The following LAMA1 variants were observed in gnomAD, a reference collection of about 807,000 sequenced individuals.
LAMA1 encodes the protein laminin subunit alpha-1.
Under a neutral mutation model 348.7 loss-of-function variants are expected in LAMA1, and 219 were observed. The observed-to-expected ratio is 0.63, with a 90% CI of 0.56 to 0.70. LAMA1 has a LOEUF of 0.70. Ranked by LOEUF, LAMA1 falls within the 30% of genes least tolerant of loss-of-function variation. LAMA1 has a pLI of 0.00. For missense variants in LAMA1, 3,744 were observed against 3,888.0 expected (o/e 0.96, Z 0.99); for synonymous variants, 1,487 against 1,491.0 (o/e 1.00, Z 0.06).
chr18:6,944,556 G>A (rs1379861788), intron 61 of LAMA1, among the ~76,000 whole-genome samples: 3 of 152,190 alleles, frequency 2.0e-5, no homozygotes, highest in African/African-American at 7.2e-5. Flanking sequence ...TGAGTGACTA[G>A]GGTGGCCCTC....
chr18:7,032,976 A>C lies in LAMA1; in HGVS notation c.2163+8T>G. The C allele has an allele frequency of 6.3e-7, 1 of 1,591,060 alleles. No homozygotes were observed. The highest frequency in any genetic ancestry group is 1.1e-5 in the South Asian group (1 of 88,350). The stretch of plus-strand genomic sequence containing the variant: ...GAAAGGAAAAAGACAGGAAGAGAGA[A>C]GCGTCACCTCACAGGAGGTCCCTGT... On this transcript the variant is annotated splice_region_variant and intron_variant, in intron 15 of 62. Coordinates refer to ENST00000389658, the MANE Select transcript of LAMA1 (RefSeq NM_005559.4).
intron 49 of LAMA1, chr18:6,965,882 G>T (rs1488319197): frequency 4.2e-5 from 20 of 472,758 alleles, no homozygotes; most frequent in Non-Finnish European, 6.0e-5. Context: ...AACAAATGTT[G>T]AATTGATATC....
intron 60 of LAMA1, 36 bp from the exon 61 acceptor site, chr18:6,947,332 C>CG: frequency 6.2e-7 from 1 of 1,612,262 alleles, no homozygotes; most frequent in Non-Finnish European, 8.5e-7. Context: ...TCAGGGTGAG[C>CG]GCTGCCAGGC....
chr18:7,001,302 T>C (rs533060533), intron 30 of LAMA1, among the ~76,000 whole-genome samples: 98 of 130,758 alleles, frequency 7.5e-4, no homozygotes, highest in African/African-American at 2.9e-3. Flanking sequence ...TCCCCGTAAG[T>C]AGATATTTCC....
At chr18:7,083,968 G>A (rs1568060893) in intron 1 of LAMA1, among the ~76,000 whole-genome samples, 1 of 151,256 alleles carries the variant, frequency 6.6e-6, no homozygotes, top group Non-Finnish European at 1.5e-5. Context: ...AGCTACTCGG[G>A]AGGCTGAGGC....
intron 3 of LAMA1, among the ~76,000 whole-genome samples, chr18:7,060,882 G>A (rs1055958024): frequency 1.8e-4 from 27 of 152,142 alleles, no homozygotes; most frequent in African/African-American, 6.0e-4. Context: ...CAGGCTGGGG[G>A]TGGTGGCTCA....
rs1306953391 is a variant in LAMA1, at chr18:7,013,891, C to T, written c.3287G>A (p.Gly1096Glu). ...CAGGTTGCAGGCGTCCCCCGACGTC[C>T]CCCTCAGGTCACAGTCACAGGGAAC... Reference protein sequence around the residue: ...DCVPCDCDLRGTSGDACNLEQ... With the variant: ...DCVPCDCDLRETSGDACNLEQ... Residue 1096 changes from glycine (G) to glutamate (E), a missense_variant, in exon 23 of 63, where the codon GGG (glycine) becomes GAG (glutamate). Transcript: ENST00000389658. 1 of 1,613,244 alleles carries T rather than the reference C, an allele frequency of 6.2e-7. No individual in the cohort carries two copies. Among genetic ancestry groups the T allele is most frequent in the African/African-American group, 1.3e-5 (1 of 75,004 alleles).
At chr18:7,082,876 G>A (rs147530209) in intron 1 of LAMA1, among the ~76,000 whole-genome samples, 189 of 148,566 alleles carry the variant, frequency 1.3e-3, no homozygotes, top group African/African-American at 4.5e-3. Flanking sequence ...ACCAGTTAAC[G>A]AATGTTCCCA....
intron 36 of LAMA1, 53 bp from the exon 37 acceptor site, chr18:6,986,400 T>C (rs1600373736): frequency 6.4e-7 from 1 of 1,560,770 alleles, no homozygotes; most frequent in East Asian, 2.2e-5. Flanking sequence ...AAAGCTCCTA[T>C]CTCTGAAATA....
intron 33 of LAMA1, among the ~76,000 whole-genome samples, chr18:6,995,963 G>T (rs2057779335): frequency 6.6e-6 from 1 of 152,070 alleles, no homozygotes; most frequent in South Asian, 2.1e-4. Context: ...GTTATTTAAA[G>T]AAAACGGACA....
intron 1 of LAMA1, among the ~76,000 whole-genome samples, chr18:7,085,635 G>A (rs150951841): frequency 0.024 from 3,612 of 151,970 alleles, 54 homozygotes; most frequent in South Asian, 0.042. Context: ...AGCCAGGATG[G>A]TCTCGATCTC....
At chr18:6,959,956 A>T (rs2057599374) in intron 53 of LAMA1, 1 of 252,440 alleles carries the variant, frequency 4.0e-6, no homozygotes, top group South Asian at 4.8e-5. Flanking sequence ...TTTTCGACAC[A>T]TTGAAAAGAG....
At chr18:7,089,553 G>C (rs2058231362) in intron 1 of LAMA1, among the ~76,000 whole-genome samples, 1 of 152,222 alleles carries the variant, frequency 6.6e-6, no homozygotes, top group Non-Finnish European at 1.5e-5. Flanking sequence ...TGAGTGGGAG[G>C]GGCTCAAGCC....
chr18:7,038,954 T>C lies in LAMA1; in HGVS notation c.1423-4A>G. 6.2e-7 allele frequency: 1 copy of C among 1,611,418 alleles called. No individual in the cohort carries two copies. The highest frequency in any genetic ancestry group is 8.5e-7 in the Non-Finnish European group (1 of 1,177,614). On this transcript the variant is annotated splice_polypyrimidine_tract_variant and splice_region_variant and intron_variant, in intron 10 of 62. Coordinates refer to ENST00000389658, the MANE Select transcript of LAMA1 (RefSeq NM_005559.4). ...AGGCCTTCCCCTCAACGTTTTCCTG[T>C]AAGTTAGGGTAAAAGATTAGCTTTT... is the stretch of plus-strand genomic sequence containing the variant.
intron 42 of LAMA1, among the ~76,000 whole-genome samples, chr18:6,979,571 G>A (rs11081290): frequency 0.82 from 125,067 of 152,204 alleles, 51,941 homozygotes; most frequent in African/African-American, 0.93. Context: ...GGTGCAGCAC[G>A]ATTCATTTGT....
At chr18:6,970,252 C>G (rs1435158455) in intron 48 of LAMA1, among the ~76,000 whole-genome samples, 2 of 152,094 alleles carry the variant, frequency 1.3e-5, no homozygotes, top group Non-Finnish European at 2.9e-5. Context: ...CTGCCAATTA[C>G]AAAGCCATGC....
intron 42 of LAMA1, among the ~76,000 whole-genome samples, chr18:6,979,686 TCAGGAGATCGAGAC>T (rs1568016170): frequency 3.3e-5 from 5 of 151,946 alleles, no homozygotes. Context: ...GATCACGAGG[TCAGGAGATCGAGAC>T]CATCCTGGCT....
intron 26 of LAMA1, 79 bp downstream of exon 26, chr18:7,010,121 T>G (rs558095104): frequency 1.3e-6 from 2 of 1,532,678 alleles, no homozygotes; most frequent in South Asian, 2.3e-5. Flanking sequence ...ATTCTCTTAT[T>G]AATGGCTTTC....
chr18:6,955,538 A>G, intron 56 of LAMA1, 73 bp from the exon 57 acceptor site: 2 of 1,015,930 alleles, frequency 2.0e-6, no homozygotes, highest in Non-Finnish European at 3.1e-6. Context: ...GTGTTCCGCC[A>G]TGAAGGGCCA....
Sources: gnomAD v4.1 joint callset for allele counts (sites outside exome capture counted in the v4.1 genomes callset) on GRCh38, gnomAD v4.1.1 for gene constraint, MANE v1.5 for transcripts, NCBI Gene and HGNC (gene_info 2026-07-23, HGNC 2026-07-21) for gene names.